SOX5: variants seen among roughly 807,000 people sequenced by gnomAD.
The protein encoded by SOX5 is SRY-box transcription factor 5, also known as transcription factor SOX-5.
SOX5 carries 9 observed loss-of-function variants against 92.0 expected under a neutral mutation model. The observed-to-expected ratio is 0.10, with a 90% CI of 0.06 to 0.17. SOX5 has a LOEUF of 0.17. Ranked by LOEUF, SOX5 falls within the 10% of genes least tolerant of loss-of-function variation. The pLI is 1.00. For missense variants in SOX5, 642 were observed against 944.5 expected (o/e 0.68, Z 4.20); for synonymous variants, 344 against 336.3 (o/e 1.02, Z -0.25).
intron 10 of SOX5, among the ~76,000 whole-genome samples, chr12:23,573,933 T>C (rs528620021): frequency 1.2e-4 from 18 of 152,076 alleles, no homozygotes; most frequent in Non-Finnish European, 1.6e-4. Context: ...ACAGTAAATA[T>C]TGGTTGTTTT....
intron 2 of SOX5, among the ~76,000 whole-genome samples, chr12:23,884,242 C>T (rs973841954): frequency 3.9e-5 from 6 of 152,100 alleles, no homozygotes. Context: ...AAGGTAAAAC[C>T]ATTTCCATAA....
intron 4 of SOX5, among the ~76,000 whole-genome samples, chr12:24,020,475 G>C (rs944370119): frequency 1.3e-5 from 2 of 152,140 alleles, no homozygotes; most frequent in Non-Finnish European, 2.9e-5. Context: ...ATCTCATTCT[G>C]CCTGTTTAGC....
intron 4 of SOX5, among the ~76,000 whole-genome samples, chr12:24,053,992 T>A (rs1008179438): frequency 2.0e-5 from 3 of 152,216 alleles, no homozygotes; most frequent in Non-Finnish European, 4.4e-5. Flanking sequence ...CCAAGCTCTA[T>A]GGCTCTGAGG....
chr12:23,604,610 T>C, intron 8 of SOX5, 77 bp from the exon 9 acceptor site: 1 of 1,382,314 alleles, frequency 7.2e-7, no homozygotes, highest in Non-Finnish European at 1.0e-6. Context: ...AAAGTACATA[T>C]ATTCAGATAT....
chr12:23,877,646 C>G (rs1012762500), intron 2 of SOX5, among the ~76,000 whole-genome samples: 16 of 152,210 alleles, frequency 1.1e-4, no homozygotes, highest in African/African-American at 3.9e-4. Flanking sequence ...ACAGAACTGA[C>G]TTCTCAAAAC....
intron 2 of SOX5, among the ~76,000 whole-genome samples, chr12:24,305,733 G>A (rs532628267): frequency 1.3e-5 from 2 of 152,252 alleles, no homozygotes; most frequent in South Asian, 4.1e-4. Context: ...GAGTAGCTAG[G>A]ATTACAGGCA....
chr12:23,744,501 T>C (rs982214595), intron 4 of SOX5, among the ~76,000 whole-genome samples: 2 of 152,176 alleles, frequency 1.3e-5, no homozygotes, highest in Non-Finnish European at 2.9e-5. Flanking sequence ...AATATTAACT[T>C]CTTCAATTTC....
intron 1 of SOX5, among the ~76,000 whole-genome samples, chr12:24,535,209 G>C (rs1169479532): frequency 6.6e-6 from 1 of 152,178 alleles, no homozygotes. Flanking sequence ...TATGTGCTGT[G>C]AATAGAGGGC....
At position 23,749,438 on chromosome 12, in the gene SOX5, T is replaced by A. The variant is rs138577759; in HGVS notation, c.568+6200A>T. ...GTTTTTGCTTCAGTATCTTAAAAGG[T>A]GGGCCTTGGCTTAGATTTAAATATA... On this transcript the variant is annotated intron_variant, in intron 4 of 14. Coordinates refer to ENST00000451604, the MANE Select transcript of SOX5 (RefSeq NM_006940.6). Among the ~76,000 whole-genome samples, 28 of 152,040 alleles carry A rather than the reference T, an allele frequency of 1.8e-4. No individual in the cohort carries two copies. The East Asian group carries it at 5.0e-3, about 27-fold the overall frequency.
intron 4 of SOX5, among the ~76,000 whole-genome samples, chr12:24,091,892 G>A (rs1281076936): frequency 1.3e-5 from 2 of 151,692 alleles, no homozygotes; most frequent in South Asian, 2.1e-4. Context: ...CATTTAATAC[G>A]AGTTCCCCCA....
chr12:24,358,780 A>G (rs7967463), intron 2 of SOX5, among the ~76,000 whole-genome samples: 2,473 of 152,336 alleles, frequency 0.016, 56 homozygotes, highest in African/African-American at 0.056. Context: ...TAAACCAGAT[A>G]AAGTTAATTA....
intron 13 of SOX5, among the ~76,000 whole-genome samples, chr12:23,540,005 AC>A (rs1321308326): frequency 6.6e-6 from 1 of 152,028 alleles, no homozygotes; most frequent in Non-Finnish European, 1.5e-5. Flanking sequence ...CTTTGCAGGT[AC>A]TATAACCATT....
chr12:24,293,218 G>GA lies in SOX5; in HGVS notation c.-173-15907dup, dbSNP rs141348606. 9.0e-3 allele frequency among the ~76,000 whole-genome samples: 1,369 copies of GA among 152,250 alleles called. 38 individuals are homozygous for GA. Among genetic ancestry groups the GA allele is most frequent in the East Asian group, 0.053 (273 of 5,184 alleles). ...GTGATATGTGATGGAAGGAGAGTTG[G>GA]AATACAAATAGTGATAATAACCAAT... is the stretch of plus-strand genomic sequence containing the variant. On this transcript the variant is annotated intron_variant, in intron 2 of 4. Coordinates refer to the SOX5 transcript ENST00000446891.
chr12:23,937,322 C>A (rs1942792819), intron 1 of SOX5, among the ~76,000 whole-genome samples: 2 of 150,900 alleles, frequency 1.3e-5, no homozygotes. Context: ...CAATACTCTT[C>A]TATTGAGCAT....
At chr12:24,396,113 G>T (rs1224103334) in intron 1 of SOX5, among the ~76,000 whole-genome samples, 1 of 152,164 alleles carries the variant, frequency 6.6e-6, no homozygotes, top group Non-Finnish European at 1.5e-5. Context: ...AAACTGAAAA[G>T]GTACTATTTT....
intron 4 of SOX5, among the ~76,000 whole-genome samples, chr12:23,975,137 T>C (rs1948761085): frequency 6.6e-6 from 1 of 152,168 alleles, no homozygotes; most frequent in South Asian, 2.1e-4. Context: ...GAAATAGTCA[T>C]ATACTCTAAC....
intron 3 of SOX5, among the ~76,000 whole-genome samples, chr12:24,234,301 T>A (rs1594622049): frequency 6.6e-6 from 1 of 152,240 alleles, no homozygotes; most frequent in African/African-American, 2.4e-5. Flanking sequence ...ACATTTACCA[T>A]ATAAACAATA....
chr12:24,034,342 TCGCCC>T (rs1248582682), intron 4 of SOX5, among the ~76,000 whole-genome samples: 1 of 152,014 alleles, frequency 6.6e-6, no homozygotes, highest in Non-Finnish European at 1.5e-5. Flanking sequence ...TCTGGATGCC[TCGCCC>T]CTCCTCTCTC....
intron 4 of SOX5, among the ~76,000 whole-genome samples, chr12:24,137,847 C>T (rs890946826): frequency 1.2e-4 from 18 of 152,304 alleles, no homozygotes; most frequent in East Asian, 3.9e-4. Context: ...AGCAATTGGC[C>T]GTAGCCAGGA....
Sources: allele counts gnomAD v4.1 joint callset (sites outside exome capture counted in the v4.1 genomes callset), GRCh38; gene constraint gnomAD v4.1.1; transcripts MANE v1.5; gene names NCBI Gene and HGNC (gene_info 2026-07-23, HGNC 2026-07-21).